MYO1B: variants seen among roughly 807,000 people sequenced by gnomAD.
MYO1B encodes myosin IB.
A neutral mutation model predicts 159.7 loss-of-function variants in MYO1B; 72 were observed. The ratio of observed to expected loss-of-function variants is 0.45; its 90% CI spans 0.37 to 0.55. The LOEUF (loss-of-function observed/expected upper bound fraction) is 0.55. Among genes scored for constraint, MYO1B ranks in the 20% least tolerant of loss-of-function variants. The probability of loss-of-function intolerance (pLI) is 0.00; values close to 1 mark genes in which losing one functional copy is unlikely to be tolerated. For synonymous variants in MYO1B, 468 were observed against 473.8 expected (o/e 0.99, Z 0.16); for missense variants, 1,062 against 1,364.8 (o/e 0.78, Z 3.50).
At chr2:191,344,623 G>A (rs1301952245) in intron 5 of MYO1B, among the ~76,000 whole-genome samples, 1 of 151,916 alleles carries the variant, frequency 6.6e-6, no homozygotes, top group Non-Finnish European at 1.5e-5. Context: ...GAGGTCAGGA[G>A]ATCGAGACCA....
chr2:191,266,341 C>T (rs1259355297), intron 1 of MYO1B, among the ~76,000 whole-genome samples: 1 of 152,188 alleles, frequency 6.6e-6, no homozygotes, highest in Non-Finnish European at 1.5e-5. Context: ...TAGATATTGT[C>T]ATCCCTGAGT....
rs35184577 is a variant in MYO1B, at chr2:191,326,770, A to ATGTGTGTG, written c.252-3126_252-3119dup. 6.7e-3 allele frequency among the ~76,000 whole-genome samples: 914 copies of ATGTGTGTG among 137,112 alleles called. 8 individuals carry two copies. Among genetic ancestry groups the ATGTGTGTG allele is most frequent in the East Asian group, 0.015 (68 of 4,572 alleles). 90.0% of individuals were successfully genotyped at this position (137,112 alleles called of 152,430 possible). On this transcript the variant is annotated intron_variant, in intron 3 of 30. Transcript: ENST00000392318. ...CTTCCAAAGCCTTGTGTTTGTATAT[A>ATGTGTGTG]TGTGTGTGTGTGTGTGTGTGTGTGT...
At chr2:191,380,041 TTTTATCC>T (rs1694949932) in intron 13 of MYO1B, among the ~76,000 whole-genome samples, 1 of 152,246 alleles carries the variant, frequency 6.6e-6, no homozygotes, top group South Asian at 2.1e-4. Flanking sequence ...ACAAACAAAC[TTTTATCC>T]TTAACTAAGT....
intron 1 of MYO1B, among the ~76,000 whole-genome samples, chr2:191,260,254 C>CTTTTTGTTTTTTTTTTTTTTTTTTTT (rs1686719699): frequency 1.6e-5 from 1 of 60,962 alleles, no homozygotes; most frequent in East Asian, 8.3e-4. Flanking sequence ...CCCAGATAGG[C>CTTTTTGTTTTTTTTTTTTTTTTTTTT]TTTTTTTTTT....
chr2:191,349,915 A>T (rs969852184), intron 6 of MYO1B, among the ~76,000 whole-genome samples: 1 of 152,232 alleles, frequency 6.6e-6, no homozygotes, highest in African/African-American at 2.4e-5. Context: ...GAAAAATCAC[A>T]TGATGGCTGA....
intron 1 of MYO1B, among the ~76,000 whole-genome samples, chr2:191,264,846 G>GA (rs1687032998): frequency 1.3e-5 from 2 of 149,518 alleles, no homozygotes; most frequent in Non-Finnish European, 3.0e-5. Context: ...GTTGAGCCTT[G>GA]TTTTTTTTTG....
At chr2:191,416,997 G>C (rs1283247636) in intron 30 of MYO1B, among the ~76,000 whole-genome samples, 1 of 152,186 alleles carries the variant, frequency 6.6e-6, no homozygotes, top group Non-Finnish European at 1.5e-5. Context: ...GGAGAAATCT[G>C]AGTTACTGTG....
At chr2:191,260,751 ATTCT>A (rs1322001470) in intron 1 of MYO1B, among the ~76,000 whole-genome samples, 5 of 149,398 alleles carry the variant, frequency 3.3e-5, no homozygotes, top group Non-Finnish European at 5.9e-5. Context: ...TTCTGTGTTT[ATTCT>A]TTCTATCTTT....
At chr2:191,291,294 A>G (rs1478584529) in intron 2 of MYO1B, among the ~76,000 whole-genome samples, 3 of 152,202 alleles carry the variant, frequency 2.0e-5, no homozygotes, top group African/African-American at 7.2e-5. Flanking sequence ...AATGCTAGAG[A>G]TACTTGAAAT....
chr2:191,253,280 G>A (rs1574264838), intron 1 of MYO1B, among the ~76,000 whole-genome samples: 1 of 152,112 alleles, frequency 6.6e-6, no homozygotes, highest in East Asian at 1.9e-4. Context: ...CCACGTTTTG[G>A]GGGGATCATT....
chr2:191,387,449 A>G lies in MYO1B; in HGVS notation c.1780A>G (p.Arg594Gly). The change falls in exon 17 of 31, where the codon AGG becomes GGG. Residue 594 changes from arginine (R) to glycine (G), a missense_variant and splice_region_variant. Physicochemically the swap from Arg to Gly is moderately radical, Grantham distance 125. Transcript: ENST00000392318. The stretch of plus-strand genomic sequence containing the variant: ...ACAGACCAAGAACCCAAACTATATT[A>G]GGTATTTTTGGCACATGAAACTTTC... ...NLQTKNPNYIRCIKPNDKKAA... is the reference protein window; with the variant it reads ...NLQTKNPNYIGCIKPNDKKAA... 6.2e-7 allele frequency: 1 copy of G among 1,613,822 alleles called. No individual in the cohort carries two copies. Among genetic ancestry groups the G allele is most frequent in the Non-Finnish European group, 8.5e-7 (1 of 1,179,688 alleles).
chr2:191,381,059 A>G (rs1437523247), intron 13 of MYO1B: 1 of 297,974 alleles, frequency 3.4e-6, no homozygotes. Context: ...ATAAGGGGTC[A>G]GTTCAGGGGG....
At chr2:191,382,601 A>G (rs1695108547) in intron 14 of MYO1B, among the ~76,000 whole-genome samples, 1 of 152,226 alleles carries the variant, frequency 6.6e-6, no homozygotes, top group Admixed American at 6.5e-5. Context: ...AATATATAGG[A>G]AGATTGCTAG....
At chr2:191,374,430 G>A (rs539626220) in intron 13 of MYO1B, among the ~76,000 whole-genome samples, 4 of 152,236 alleles carry the variant, frequency 2.6e-5, no homozygotes, top group Non-Finnish European at 4.4e-5. Flanking sequence ...GACACTAAAG[G>A]GCGAGACTTT....
chr2:191,290,732 T>C (rs767347945), intron 2 of MYO1B, among the ~76,000 whole-genome samples: 11 of 152,230 alleles, frequency 7.2e-5, no homozygotes, highest in Admixed American at 2.0e-4. Context: ...TCTTCCAATA[T>C]ACAGATGTTG....
intron 27 of MYO1B, among the ~76,000 whole-genome samples, chr2:191,412,538 C>T (rs1697309501): frequency 6.6e-6 from 1 of 152,208 alleles, no homozygotes; most frequent in African/African-American, 2.4e-5. Flanking sequence ...AGCCTCCCAC[C>T]ACCCTGCAAA....
intron 3 of MYO1B, among the ~76,000 whole-genome samples, chr2:191,305,986 T>C (rs1361706015): frequency 6.6e-6 from 1 of 152,138 alleles, no homozygotes; most frequent in Non-Finnish European, 1.5e-5. Context: ...AGCCATGTAC[T>C]AGTGTACCTA....
At chr2:191,403,940 A>C (rs1345068672) in intron 24 of MYO1B, among the ~76,000 whole-genome samples, 1 of 152,176 alleles carries the variant, frequency 6.6e-6, no homozygotes, top group Non-Finnish European at 1.5e-5. Context: ...CAACCTACAA[A>C]GCAAATTCAG....
At chr2:191,359,653 G>A (rs958191873) in intron 7 of MYO1B, among the ~76,000 whole-genome samples, 2 of 152,062 alleles carry the variant, frequency 1.3e-5, no homozygotes, top group Non-Finnish European at 2.9e-5. Context: ...TTTAATGATC[G>A]TTCCTAGATT....
Sources: gnomAD v4.1 joint callset for allele counts (sites outside exome capture counted in the v4.1 genomes callset) on GRCh38, gnomAD v4.1.1 for gene constraint, MANE v1.5 for transcripts, NCBI Gene and HGNC (gene_info 2026-07-23, HGNC 2026-07-21) for gene names.